The following FAM83B variants were observed in gnomAD, a reference collection of about 807,000 sequenced individuals.
FAM83B encodes the protein protein FAM83B.
In FAM83B, 26 loss-of-function variants were observed where a neutral mutation model predicts 38.8. That is an observed-to-expected ratio of 0.67 (90% CI 0.49 to 0.93). The LOEUF is 0.93. Among genes scored for constraint, FAM83B ranks in the 40% least tolerant of loss-of-function variants. FAM83B has a pLI of 0.00. For missense variants in FAM83B, 1,237 were observed against 1,197.3 expected, an observed-to-expected ratio of 1.03 and a Z score of -0.49; for synonymous variants, 419 against 423.1, an observed-to-expected ratio of 0.99 and a Z score of 0.12.
intron 2 of FAM83B, among the ~76,000 whole-genome samples, chr6:54,897,708 A>G (rs569493375): frequency 6.6e-6 from 1 of 152,220 alleles, no homozygotes; most frequent in Non-Finnish European, 1.5e-5. Flanking sequence ...TTTAAACAAC[A>G]TGAAGATATC....
chr6:54,879,668 A>G (rs555443804), intron 2 of FAM83B, among the ~76,000 whole-genome samples: 1 of 152,290 alleles, frequency 6.6e-6, no homozygotes, highest in African/African-American at 2.4e-5. Context: ...TTACGGCCAA[A>G]TTGTGAAGGT....
At chr6:54,875,862 G>A (rs1252913622) in intron 2 of FAM83B, among the ~76,000 whole-genome samples, 2 of 152,122 alleles carry the variant, frequency 1.3e-5, no homozygotes, top group East Asian at 1.9e-4. Context: ...GTGTCTGTAT[G>A]GCAGTACTCT....
chr6:54,850,108 A>G (rs1014625130), intron 1 of FAM83B, among the ~76,000 whole-genome samples: 1 of 152,188 alleles, frequency 6.6e-6, no homozygotes, highest in Non-Finnish European at 1.5e-5. Context: ...ACCTAATGAT[A>G]ATTATAAGTA....
intron 1 of FAM83B, among the ~76,000 whole-genome samples, chr6:54,864,311 A>G (rs1211673691): frequency 1.3e-5 from 2 of 152,200 alleles, no homozygotes. Flanking sequence ...AAGAATGAGT[A>G]GGTATTGAGC....
At chr6:54,859,942 A>C (rs1771536445) in intron 1 of FAM83B, among the ~76,000 whole-genome samples, 1 of 152,220 alleles carries the variant, frequency 6.6e-6, no homozygotes, top group African/African-American at 2.4e-5. Flanking sequence ...CCATTGCAAA[A>C]TAATACATAT....
chr6:54,899,239 G>A (rs1344444432), intron 2 of FAM83B, among the ~76,000 whole-genome samples: 1 of 152,138 alleles, frequency 6.6e-6, no homozygotes. Flanking sequence ...TATTTTTGAA[G>A]GGTGTTACAT....
At chr6:54,884,973 T>C (rs62414961) in intron 2 of FAM83B, among the ~76,000 whole-genome samples, 3,139 of 151,938 alleles carry the variant, frequency 0.021, 43 homozygotes, top group Middle Eastern at 0.061. Flanking sequence ...GGGGTTTCAC[T>C]GTGTTAGCCA....
intron 2 of FAM83B, among the ~76,000 whole-genome samples, chr6:54,900,939 C>G (rs538025724): frequency 3.4e-4 from 52 of 152,294 alleles, no homozygotes; most frequent in Middle Eastern, 3.4e-3. Flanking sequence ...ATTCAAACAA[C>G]TCTAATTGTG....
rs984409837 is a variant in FAM83B, at chr6:54,868,280, A to G, written c.-60-1907A>G. ...CTGTCTCATGCATTGTAGTATGTTT[A>G]GCAGCATCCTGGGTCTCTAATCATT... is the stretch of plus-strand genomic sequence containing the variant. On this transcript the variant is annotated intron_variant, in intron 1 of 4. Transcript: ENST00000306858. Among the ~76,000 whole-genome samples the G allele has an allele frequency of 2.6e-5, 4 of 152,096 alleles. No individual in the cohort carries two copies. In the East Asian group the frequency reaches 7.7e-4, roughly 29 times the overall value.
intron 1 of FAM83B, among the ~76,000 whole-genome samples, chr6:54,848,534 C>T (rs776327018): frequency 6.6e-6 from 1 of 152,162 alleles, no homozygotes; most frequent in Non-Finnish European, 1.5e-5. Context: ...GAGTTTATGA[C>T]GCTAACTGGC....
rs1256462500 is a variant in FAM83B, at chr6:54,942,265, T to G, written c.*258T>G. Among the ~76,000 whole-genome samples the G allele has an allele frequency of 6.6e-6, 1 of 152,234 alleles. No individual in the cohort carries two copies. The highest frequency in any genetic ancestry group is 6.5e-5 in the Admixed American group (1 of 15,278). On this transcript the variant is annotated 3_prime_UTR_variant, in exon 5 of 5. Transcript: ENST00000306858. ...TGTATTTAAATCATTTTCTTTAGAC[T>G]GAAGATTTTAAGTCTCACTTAGAAA... is the stretch of plus-strand genomic sequence containing the variant.
chr6:54,896,594 A>G (rs912840005), intron 2 of FAM83B, among the ~76,000 whole-genome samples: 3 of 152,238 alleles, frequency 2.0e-5, no homozygotes, highest in Non-Finnish European at 4.4e-5. Context: ...AATACTGTTA[A>G]GAAGCGTACA....
intron 2 of FAM83B, among the ~76,000 whole-genome samples, chr6:54,924,198 C>T (rs1205994106): frequency 3.4e-4 from 51 of 151,458 alleles, no homozygotes; most frequent in Non-Finnish European, 1.5e-5. Flanking sequence ...TACACACACA[C>T]ACACACACAC....
intron 4 of FAM83B, among the ~76,000 whole-genome samples, chr6:54,928,142 C>T (rs1418874943): frequency 6.6e-6 from 1 of 152,004 alleles, no homozygotes; most frequent in Admixed American, 6.6e-5. Flanking sequence ...AAATAAATCC[C>T]CTGGCTTCAG....
chr6:54,938,542 T>A (rs1410161530), intron 4 of FAM83B, among the ~76,000 whole-genome samples: 1 of 152,178 alleles, frequency 6.6e-6, no homozygotes, highest in Non-Finnish European at 1.5e-5. Context: ...AGTTTTTGAT[T>A]TTTTAATTAT....
At chr6:54,886,541 C>G (rs1772279264) in intron 2 of FAM83B, among the ~76,000 whole-genome samples, 1 of 151,772 alleles carries the variant, frequency 6.6e-6, no homozygotes, top group Non-Finnish European at 1.5e-5. Flanking sequence ...ACAGGAACAC[C>G]TGAGTTTTTC....
Position 54,874,935 on chromosome 6 carries a change from A to G in FAM83B, c.444+4245A>G, listed in dbSNP as rs191815994. On this transcript the variant is annotated intron_variant, in intron 2 of 4. Coordinates refer to ENST00000306858, the MANE Select transcript of FAM83B (RefSeq NM_001010872.3). The stretch of plus-strand genomic sequence containing the variant: ...TATGGCCTTGGGAGGTATTAGTAAT[A>G]TAGAGAAATATTAACCATCAGTTGG... 4.6e-5 allele frequency among the ~76,000 whole-genome samples: 7 copies of G among 152,172 alleles called. 1 individual carries two copies. The South Asian group carries it at 8.3e-4, about 18-fold the overall frequency.
intron 2 of FAM83B, among the ~76,000 whole-genome samples, chr6:54,878,380 T>C (rs1447523549): frequency 1.3e-5 from 2 of 151,866 alleles, no homozygotes; most frequent in African/African-American, 2.4e-5. Flanking sequence ...AAATAAGGAG[T>C]GCTAGCAGGA....
At chr6:54,860,917 G>T (rs558267488) in intron 1 of FAM83B, among the ~76,000 whole-genome samples, 17 of 152,126 alleles carry the variant, frequency 1.1e-4, no homozygotes, top group Non-Finnish European at 2.5e-4. Context: ...CTCCCTGAGC[G>T]CTGACTCATT....
Sources: gnomAD v4.1 joint callset for allele counts (sites outside exome capture counted in the v4.1 genomes callset) on GRCh38, gnomAD v4.1.1 for gene constraint, MANE v1.5 for transcripts, NCBI Gene and HGNC (gene_info 2026-07-23, HGNC 2026-07-21) for gene names.